ZFHX3: variants seen among roughly 807,000 people sequenced by gnomAD.
ZFHX3 encodes zinc finger homeobox 3.
A neutral mutation model predicts 279.1 loss-of-function variants in ZFHX3; 42 were observed. The ratio of observed to expected loss-of-function variants is 0.15; its 90% CI spans 0.12 to 0.19. The LOEUF (loss-of-function observed/expected upper bound fraction) is 0.19. Ranked by LOEUF, ZFHX3 falls within the 10% of genes least tolerant of loss-of-function variation. The pLI is 1.00. For synonymous variants in ZFHX3, 2,293 were observed against 1,957.8 expected (o/e 1.17, Z -4.52); for missense variants, 4,981 against 4,754.0 (o/e 1.05, Z -1.40).
intron 7 of ZFHX3, among the ~76,000 whole-genome samples, chr16:73,098,500 G>A (rs982899055): frequency 1.3e-5 from 2 of 152,090 alleles, no homozygotes. Context: ...TAGCTGGGAT[G>A]ACAGGCACAT....
At chr16:73,407,190 C>A (rs1161662071) in intron 3 of ZFHX3, among the ~76,000 whole-genome samples, 1 of 152,154 alleles carries the variant, frequency 6.6e-6, no homozygotes, top group Non-Finnish European at 1.5e-5. Context: ...CTCCAGCCAC[C>A]ACGGAGAATG....
chr16:72,947,515 C>A (rs1335578331), intron 3 of ZFHX3, among the ~76,000 whole-genome samples: 1 of 152,158 alleles, frequency 6.6e-6, no homozygotes, highest in Non-Finnish European at 1.5e-5. Flanking sequence ...CTTGAATCTC[C>A]TGAGAATGCA....
At chr16:73,319,564 G>T (rs75074721) in intron 3 of ZFHX3, among the ~76,000 whole-genome samples, 1 of 151,826 alleles carries the variant, frequency 6.6e-6, no homozygotes. Flanking sequence ...CAGGGGCGGG[G>T]GGTTGGTTAA....
intron 1 of ZFHX3, among the ~76,000 whole-genome samples, chr16:73,714,077 C>T (rs2053391158): frequency 6.6e-6 from 1 of 152,172 alleles, no homozygotes; most frequent in Non-Finnish European, 1.5e-5. Context: ...CTCGTACTTA[C>T]TGGCTACAAT....
upstream of ZFHX3, chr16:73,061,812 A>G (rs1420856853): frequency 6.6e-6 from 1 of 152,224 alleles, no homozygotes; most frequent in African/African-American, 2.4e-5. Flanking sequence ...AAATGTAAAT[A>G]GTACTAGAAG....
intron 4 of ZFHX3, among the ~76,000 whole-genome samples, chr16:72,867,339 G>T (rs765969842): frequency 3.0e-4 from 46 of 152,190 alleles, no homozygotes; most frequent in Non-Finnish European, 4.6e-4. Flanking sequence ...CAGAACTCTG[G>T]AAACGTGCAC....
intron 4 of ZFHX3, among the ~76,000 whole-genome samples, chr16:73,278,379 T>A (rs1225866644): frequency 6.6e-6 from 1 of 152,208 alleles, no homozygotes; most frequent in African/African-American, 2.4e-5. Context: ...TGTGGTTGCT[T>A]GCTTGCTTGT....
rs537982829 is a variant in ZFHX3 at position 73,791,486 on chromosome 16, G to A, written c.-1608+100165C>T. On this transcript the variant is annotated intron_variant, in intron 1 of 17. Coordinates refer to the ZFHX3 transcript ENST00000641206. ...TGTTGCCAGGCCGGAGTGCAGCGGC[G>A]CCATCTTGGCTCACTGCGACCTCCG... 2.3e-4 allele frequency among the ~76,000 whole-genome samples: 35 copies of A among 152,084 alleles called. No homozygotes were observed. In the South Asian group the frequency reaches 4.4e-3, roughly 19 times the overall value.
chr16:72,812,843 G>T (rs983698749), intron 5 of ZFHX3, among the ~76,000 whole-genome samples: 1 of 152,212 alleles, frequency 6.6e-6, no homozygotes, highest in Non-Finnish European at 1.5e-5. Context: ...CAGACAGCAC[G>T]TACGGAAGTG....
chr16:73,350,329 G>A (rs960970542), intron 3 of ZFHX3, among the ~76,000 whole-genome samples: 3 of 152,120 alleles, frequency 2.0e-5, no homozygotes, highest in Admixed American at 6.5e-5. Context: ...TGGCTGACAG[G>A]GTTTGGGATG....
chr16:73,156,100 C>T (rs910020533), intron 5 of ZFHX3, among the ~76,000 whole-genome samples: 5 of 151,350 alleles, frequency 3.3e-5, no homozygotes, highest in Admixed American at 6.6e-5. Context: ...GGTGTGGTGG[C>T]GGATGCCTGT....
rs189170009 is a variant in ZFHX3 at position 73,316,290 on chromosome 16, T to C, written c.-1194+1950A>G. Among the ~76,000 whole-genome samples, 700 of 152,270 alleles carry C rather than the reference T, an allele frequency of 4.6e-3. 2 individuals are homozygous for C. The highest frequency in any genetic ancestry group is 7.7e-3 in the Non-Finnish European group (525 of 68,012). On this transcript the variant is annotated intron_variant, in intron 4 of 17. Coordinates refer to the ZFHX3 transcript ENST00000641206. ...AAAAGCAGGGTCTCTGGCAATACAATTTAAAGGTGACAGGACACGAGGCTT... is the reference window on the plus strand; with the variant it reads ...AAAAGCAGGGTCTCTGGCAATACAACTTAAAGGTGACAGGACACGAGGCTT...
chr16:73,730,720 C>A (rs1444623104), intron 1 of ZFHX3, among the ~76,000 whole-genome samples: 2 of 152,180 alleles, frequency 1.3e-5, no homozygotes, highest in Non-Finnish European at 2.9e-5. Flanking sequence ...AACTTGAAAG[C>A]GTGATATTTC....
intron 1 of ZFHX3, among the ~76,000 whole-genome samples, chr16:73,835,398 C>T (rs1961112857): frequency 6.6e-6 from 1 of 151,404 alleles, no homozygotes; most frequent in African/African-American, 2.4e-5. Context: ...TTTCCCCTTT[C>T]CCCACCTTTC....
Position 73,889,326 on chromosome 16 carries a change from G to A in ZFHX3, c.-1608+2325C>T, listed in dbSNP as rs540914633. Among the ~76,000 whole-genome samples the A allele has an allele frequency of 5.5e-4, 84 of 152,336 alleles. No homozygotes were observed. The South Asian group carries it at 0.012, about 21-fold the overall frequency. On this transcript the variant is annotated intron_variant, in intron 1 of 17. Transcript: ENST00000641206. ...TCCATGTTTTTGGCAGGCAAAGGGT[G>A]TAAGAATGGGACACGATATGCTTTT...
At chr16:73,535,508 G>C (rs2019883836) in intron 2 of ZFHX3, among the ~76,000 whole-genome samples, 1 of 152,144 alleles carries the variant, frequency 6.6e-6, no homozygotes, top group Non-Finnish European at 1.5e-5. Context: ...TTTCCACATT[G>C]CTGGAGTATG....
intron 1 of ZFHX3, among the ~76,000 whole-genome samples, chr16:73,767,361 T>C (rs2053961840): frequency 6.6e-6 from 1 of 152,206 alleles, no homozygotes; most frequent in Non-Finnish European, 1.5e-5. Flanking sequence ...ATCTTCTCTT[T>C]ATAAGGTAAA....
intron 7 of ZFHX3, chr16:73,127,296 A>G (rs1408661396): frequency 7.9e-7 from 1 of 1,269,162 alleles, no homozygotes; most frequent in East Asian, 5.6e-5. Flanking sequence ...GGCAGAGAAG[A>G]GGGAAGAAGG....
intron 8 of ZFHX3, among the ~76,000 whole-genome samples, chr16:73,077,677 C>T (rs1965902025): frequency 6.6e-6 from 1 of 152,192 alleles, no homozygotes; most frequent in African/African-American, 2.4e-5. Flanking sequence ...ATTTCCAGAT[C>T]TCTCCCATAG....
Sources: gnomAD v4.1 joint callset for allele counts (sites outside exome capture counted in the v4.1 genomes callset) on GRCh38, gnomAD v4.1.1 for gene constraint, MANE v1.5 for transcripts, NCBI Gene and HGNC (gene_info 2026-07-23, HGNC 2026-07-21) for gene names.